TYRP1: variants seen among roughly 807,000 people sequenced by gnomAD.
TYRP1 encodes the protein tyrosinase related protein 1.
In TYRP1, 49 loss-of-function variants were observed where a neutral mutation model predicts 42.8. The ratio of observed to expected loss-of-function variants is 1.14; its 90% CI spans 0.91 to 1.45. The LOEUF (loss-of-function observed/expected upper bound fraction) is 1.45. TYRP1 is among the 40% of genes most tolerant of loss of function. The pLI is 0.00. For synonymous variants in TYRP1, 279 were observed against 235.4 expected (o/e 1.19, Z -1.69); for missense variants, 848 against 662.0 (o/e 1.28, Z -3.08).
At chr9:12,702,528 A>G in intron 5 of TYRP1, 90 bp downstream of exon 5, 1 of 1,268,066 alleles carries the variant, frequency 7.9e-7, no homozygotes, top group Non-Finnish European at 1.1e-6. Context: ...AAGGCTTTGA[A>G]TAGTATATTA....
intron 6 of TYRP1, among the ~76,000 whole-genome samples, chr9:12,706,477 T>C (rs1297909234): frequency 1.3e-5 from 2 of 152,000 alleles, no homozygotes; most frequent in Admixed American, 6.6e-5. Flanking sequence ...CTTTTGAACA[T>C]TTTTTTCTGA....
intron 6 of TYRP1, among the ~76,000 whole-genome samples, chr9:12,705,623 G>GA (rs1179415489): frequency 1.3e-5 from 2 of 152,000 alleles, no homozygotes; most frequent in African/African-American, 4.8e-5. Context: ...GAGATGTGGG[G>GA]ATCACTTGAG....
rs1818310046 is a variant in TYRP1, at chr9:12,709,048, T to A, written c.1480T>A (p.Phe494Ile). 6.2e-7 allele frequency: 1 copy of A among 1,612,758 alleles called. No individual in the cohort carries two copies. Among genetic ancestry groups the A allele is most frequent in the South Asian group, 1.1e-5 (1 of 91,066 alleles). The change falls in exon 8 of 8, where the codon TTT (phenylalanine) becomes ATT (isoleucine). Residue 494 changes from phenylalanine to isoleucine, a missense_variant. Transcript: ENST00000388918. ...CGCTTTGTTACTGGTTGCACTCATT[T>A]TTGGGACTGCTTCTTATCTGATTCG... is the stretch of plus-strand genomic sequence containing the variant. Reference protein sequence around the residue: ...VGALLLVALIFGTASYLIRAR... With the variant: ...VGALLLVALIIGTASYLIRAR...
In TYRP1 at chr9:12,695,364, G is replaced by A. The variant is rs1348903769; in HGVS notation, c.386-151G>A. 4.2e-6 allele frequency: 3 copies of A among 713,306 alleles called. No individual in the cohort carries two copies. In the African/African-American group the frequency reaches 5.4e-5, roughly 13 times the overall value. 44.2% of individuals were successfully genotyped at this position (713,306 alleles called of 1,614,324 possible). On this transcript the variant is annotated intron_variant, in intron 2 of 7. Transcript: ENST00000388918. Reference sequence around the variant, plus strand: ...AAGCAGGCTTGAAGAAAGGGTTTTAGTTAAGGATATTTTTAAAAGTGTAAA... The same window carrying A: ...AAGCAGGCTTGAAGAAAGGGTTTTAATTAAGGATATTTTTAAAAGTGTAAA...
rs186925501 is a variant in TYRP1 at position 12,710,239 on chromosome 9, T to C, written c.*1057T>C. ...AGGTGGTCATAAGTGAATATTTTAA[T>C]TAAAATTGGTAAAAATAAATAATAA... On this transcript the variant is annotated 3_prime_UTR_variant, in exon 8 of 8. Coordinates refer to ENST00000388918, the MANE Select transcript of TYRP1 (RefSeq NM_000550.3). 1 of 138,342 alleles carries C rather than the reference T, an allele frequency of 7.2e-6. No homozygotes were observed. Among genetic ancestry groups the C allele is most frequent in the Admixed American group, 7.3e-5 (1 of 13,746 alleles). The allele number at this position is 138,342 out of a possible 1,614,324, so 8.6% of individuals were successfully genotyped here.
intron 4 of TYRP1, chr9:12,700,616 T>C (rs1407236279): frequency 6.6e-6 from 1 of 152,058 alleles, no homozygotes; most frequent in Non-Finnish European, 1.5e-5. Flanking sequence ...TGCAAACAAA[T>C]TTAAGAATCA....
chr9:12,698,670 A>G lies in TYRP1; in HGVS notation c.913+15A>G. The G allele has an allele frequency of 6.2e-7, 1 of 1,610,470 alleles. No homozygotes were observed. Among genetic ancestry groups the G allele is most frequent in the Non-Finnish European group, 8.5e-7 (1 of 1,177,024 alleles). On this transcript the variant is annotated intron_variant, in intron 4 of 7. Coordinates refer to ENST00000388918, the MANE Select transcript of TYRP1 (RefSeq NM_000550.3). ...ACTTTGTAACAGTAAGTTCCAAATG[A>G]TAGCTTGGAGTCAGAATTTCTTTTT...
At chr9:12,704,165 T>G (rs1651435344) in intron 5 of TYRP1, among the ~76,000 whole-genome samples, 1 of 151,980 alleles carries the variant, frequency 6.6e-6, no homozygotes, top group African/African-American at 2.4e-5. Context: ...TTCTCCCAAT[T>G]GTGTCAGCAG....
chr9:12,701,027 T>C (rs1404076574), intron 4 of TYRP1, among the ~76,000 whole-genome samples: 1 of 151,952 alleles, frequency 6.6e-6, no homozygotes, highest in Non-Finnish European at 1.5e-5. Context: ...AGTTGTAAAA[T>C]TATCTCTCAC....
At chr9:12,704,253 A>G (rs924161147) in intron 5 of TYRP1, among the ~76,000 whole-genome samples, 5 of 151,882 alleles carry the variant, frequency 3.3e-5, no homozygotes, top group African/African-American at 7.3e-5. Context: ...TAGAGTGTCT[A>G]TATATTTTGA....
rs549032453 is a variant in TYRP1, at chr9:12,709,640, A to G, written c.*458A>G. 99 of 132,102 alleles carry G rather than the reference A, an allele frequency of 7.5e-4. No individual in the cohort carries two copies. The Middle Eastern group carries it at 0.021, about 28-fold the overall frequency. The allele number at this position is 132,102 out of a possible 1,614,324, so 8.2% of individuals were successfully genotyped here. On this transcript the variant is annotated 3_prime_UTR_variant, in exon 8 of 8. Transcript: ENST00000388918. ...GATTTAAAGAAAACCACAGTTATTA[A>G]TTAAAGAAAATTAATTATGTGTAGT...
chr9:12,693,784 C>A, intron 1 of TYRP1, 128 bp from the exon 2 acceptor site: 1 of 483,026 alleles, frequency 2.1e-6, no homozygotes, highest in Non-Finnish European at 3.8e-6. Flanking sequence ...AAATGTCACA[C>A]TTTTATTATT....
At chr9:12,702,147 A>T (rs1586844318) in intron 4 of TYRP1, 124 bp from the exon 5 acceptor site, 3 of 1,018,852 alleles carry the variant, frequency 2.9e-6, no homozygotes, top group South Asian at 3.3e-5. Context: ...ATGCATTTTT[A>T]AATTTTCTTT....
intron 4 of TYRP1, chr9:12,700,621 G>A (rs1346725251): frequency 6.6e-6 from 1 of 152,004 alleles, no homozygotes; most frequent in Non-Finnish European, 1.5e-5. Context: ...ACAAATTTAA[G>A]AATCACTGGA....
intron 2 of TYRP1, among the ~76,000 whole-genome samples, chr9:12,694,821 C>T (rs1818050389): frequency 6.6e-6 from 1 of 152,170 alleles, no homozygotes; most frequent in African/African-American, 2.4e-5. Flanking sequence ...AAAGAAGTTT[C>T]CCACCATGAT....
rs553363639 is a variant in TYRP1, at chr9:12,709,237, A to ATAGAT, written c.*57_*61dup. 2.9e-4 allele frequency: 430 copies of ATAGAT among 1,496,798 alleles called. 2 individuals carry two copies. In the African/African-American group the frequency reaches 5.1e-3, roughly 18 times the overall value. 92.7% of individuals were successfully genotyped at this position (1,496,798 alleles called of 1,614,324 possible). ...TCACAAAACCACCTGGTTGAATATA[A>ATAGAT]TAGATTGAGTTATTAACTGTATTTT... On this transcript the variant is annotated 3_prime_UTR_variant, in exon 8 of 8. Transcript: ENST00000388918.
At chr9:12,706,049 A>C (rs952492882) in intron 6 of TYRP1, among the ~76,000 whole-genome samples, 2 of 152,084 alleles carry the variant, frequency 1.3e-5, no homozygotes, top group African/African-American at 4.8e-5. Context: ...TTCAATTTAC[A>C]TACTATAAAA....
chr9:12,696,810 T>C (rs1392708089), intron 3 of TYRP1, among the ~76,000 whole-genome samples: 5 of 152,282 alleles, frequency 3.3e-5, no homozygotes, highest in Non-Finnish European at 5.9e-5. Flanking sequence ...TAAACCTGTT[T>C]TCTATGTGAA....
rs567914962 is a variant in TYRP1 at position 12,707,669 on chromosome 9, A to G, written c.1262-328A>G. On this transcript the variant is annotated intron_variant, in intron 6 of 7. Coordinates refer to ENST00000388918, the MANE Select transcript of TYRP1 (RefSeq NM_000550.3). ...CAGGTTTATGTTTTCTTTGGCTTTG[A>G]AAAATACATTTAATGAATTTTATTC... 5 of 236,234 alleles carry G rather than the reference A, an allele frequency of 2.1e-5. No homozygotes were observed. The East Asian group carries it at 5.5e-4, about 26-fold the overall frequency. The allele number at this position is 236,234 out of a possible 1,614,324, so 14.6% of individuals were successfully genotyped here. A position where few individuals can be genotyped will look rare whatever the true frequency, so the allele number is the denominator to read the frequency against.
Sources: allele counts gnomAD v4.1 joint callset (sites outside exome capture counted in the v4.1 genomes callset), GRCh38; gene constraint gnomAD v4.1.1; transcripts MANE v1.5; gene names NCBI Gene and HGNC (gene_info 2026-07-23, HGNC 2026-07-21).